CHL1: variants seen among roughly 807,000 people sequenced by gnomAD.
CHL1 encodes the protein neural cell adhesion molecule L1-like protein.
Under a neutral mutation model 141.9 loss-of-function variants are expected in CHL1, and 96 were observed. The ratio of observed to expected loss-of-function variants is 0.68; its 90% confidence interval spans 0.57 to 0.80. CHL1 has a LOEUF of 0.80. Among genes scored for constraint, CHL1 ranks in the 30% least tolerant of loss-of-function variants. The pLI, the probability that CHL1 is intolerant of heterozygous loss-of-function variation, is 0.00. For missense variants in CHL1, 1,820 were observed against 1,457.2 expected, an observed-to-expected ratio of 1.25 and a Z score of -4.05; for synonymous variants, 613 against 502.2, an observed-to-expected ratio of 1.22 and a Z score of -2.95.
chr3:404,687 A>T lies in CHL1; in HGVS notation c.3459-808A>T, dbSNP rs532271953. Among the ~76,000 whole-genome samples the T allele has an allele frequency of 3.9e-5, 6 of 152,318 alleles. No individual in the cohort carries two copies. In the South Asian group the frequency reaches 6.2e-4, roughly 16 times the overall value. On this transcript the variant is annotated intron_variant, in intron 27 of 27. Coordinates refer to ENST00000256509, the MANE Select transcript of CHL1 (RefSeq NM_006614.4). Reference sequence around the variant, plus strand: ...CAAAAACAGAATGTGATTGATTTTTAAAAAAGAACATTTTATCAGGATATA... The same window carrying T: ...CAAAAACAGAATGTGATTGATTTTTTAAAAAGAACATTTTATCAGGATATA...
At chr3:252,411 G>A (rs1190998353) in intron 2 of CHL1, among the ~76,000 whole-genome samples, 79 of 58,956 alleles carry the variant, frequency 1.3e-3, no homozygotes, top group African/African-American at 4.6e-3. Flanking sequence ...TTTCTATTTT[G>A]GTATTTTAAA....
chr3:402,123 G>A (rs1323509868), intron 27 of CHL1, among the ~76,000 whole-genome samples: 1 of 152,198 alleles, frequency 6.6e-6, no homozygotes, highest in Non-Finnish European at 1.5e-5. Context: ...GATCAGCAGA[G>A]AAAAATATCC....
intron 1 of CHL1, among the ~76,000 whole-genome samples, chr3:240,668 C>G (rs1273892440): frequency 2.0e-5 from 3 of 152,110 alleles, no homozygotes; most frequent in African/African-American, 7.2e-5. Flanking sequence ...AAGCCTTTGC[C>G]TAAGCCAATG....
chr3:378,023 TGATTCTTTGAGCCCCTGCACATATA>T, intron 16 of CHL1, 81 bp downstream of exon 16: 1 of 1,278,340 alleles, frequency 7.8e-7, no homozygotes, highest in Non-Finnish European at 1.1e-6. Flanking sequence ...ATAAAGCTAA[TGATTCTTTGAGCCCCTGCACATATA>T]TTGTTAGTTT....
chr3:215,529 TTCC>T (rs1700244195), intron 1 of CHL1, among the ~76,000 whole-genome samples: 1 of 152,152 alleles, frequency 6.6e-6, no homozygotes, highest in Non-Finnish European at 1.5e-5. Context: ...TAGTTTGTAT[TTCC>T]AAATAACTAG....
intron 2 of CHL1, among the ~76,000 whole-genome samples, chr3:293,459 C>G (rs73007553): frequency 6.6e-6 from 1 of 151,930 alleles, no homozygotes; most frequent in African/African-American, 2.4e-5. Flanking sequence ...GCTGAGAGAT[C>G]GAGCCACTGC....
rs763955703 is a variant in CHL1 at position 325,952 on chromosome 3, T to C, written c.92-7T>C. The C allele has an allele frequency of 9.4e-6, 15 of 1,589,034 alleles. No individual in the cohort carries two copies. The highest frequency in any genetic ancestry group is 1.7e-6 in the Non-Finnish European group (2 of 1,160,378). On this transcript the variant is annotated splice_polypyrimidine_tract_variant and splice_region_variant and intron_variant, in intron 3 of 27. Coordinates refer to ENST00000256509, the MANE Select transcript of CHL1 (RefSeq NM_006614.4). ...GTGTGTTTTTAAGTACATATTTTAA[T>C]ATTTAGTTCAACAGGTTCCAACAAT...
intron 2 of CHL1, among the ~76,000 whole-genome samples, chr3:300,911 G>T (rs1025346016): frequency 6.6e-6 from 1 of 152,160 alleles, no homozygotes; most frequent in Non-Finnish European, 1.5e-5. Context: ...CAGACTGATG[G>T]AAAAGTTATA....
chr3:385,924 G>A (rs982532231), intron 19 of CHL1: 1 of 151,792 alleles, frequency 6.6e-6, no homozygotes, highest in African/African-American at 2.4e-5. Flanking sequence ...GTAGTCACAG[G>A]ATTTGGATCT....
chr3:240,269 T>C (rs989317249), intron 1 of CHL1, among the ~76,000 whole-genome samples: 3 of 152,176 alleles, frequency 2.0e-5, no homozygotes, highest in Admixed American at 6.5e-5. Context: ...ATTTTTTAAA[T>C]TTTTTTCATT....
chr3:268,341 C>G (rs79473314), intron 2 of CHL1, among the ~76,000 whole-genome samples: 1,783 of 152,096 alleles, frequency 0.012, 32 homozygotes, highest in African/African-American at 0.04. Flanking sequence ...TGAGAGCAGT[C>G]TGGCTAACAT....
At chr3:360,255 T>A (rs1704106442) in intron 11 of CHL1, 29 bp from the exon 12 acceptor site, 2 of 1,611,782 alleles carry the variant, frequency 1.2e-6, no homozygotes, top group Non-Finnish European at 1.7e-6. Flanking sequence ...CTGTTCCTTA[T>A]CAAACTGACA....
intron 11 of CHL1, among the ~76,000 whole-genome samples, chr3:357,414 T>A (rs1703816932): frequency 6.6e-6 from 1 of 152,212 alleles, no homozygotes; most frequent in South Asian, 2.1e-4. Flanking sequence ...GCTTTGCATA[T>A]GATATTTCTG....
rs191389259 is a variant in CHL1, at chr3:313,369, C to T, written c.-94-6314C>T. Among the ~76,000 whole-genome samples, 150 of 152,164 alleles carry T rather than the reference C, an allele frequency of 9.9e-4. 1 individual carries two copies. In the South Asian group the frequency reaches 0.018, roughly 19 times the overall value. On this transcript the variant is annotated intron_variant, in intron 2 of 27. Transcript: ENST00000256509. ...CTGCCTTTCTAAGCTGCTTTTTGCCCATGTATCACACTCATCAGATTCTAT... is the reference window on the plus strand; with the variant it reads ...CTGCCTTTCTAAGCTGCTTTTTGCCTATGTATCACACTCATCAGATTCTAT...
chr3:276,672 G>C (rs162729), intron 2 of CHL1, among the ~76,000 whole-genome samples: 1 of 151,686 alleles, frequency 6.6e-6, no homozygotes, highest in Non-Finnish European at 1.5e-5. Context: ...GGCGGATCAC[G>C]AGGTCAGGAG....
Position 223,635 on chromosome 3 carries a change from C to T in CHL1, c.-174-20978C>T, listed in dbSNP as rs528096880. On this transcript the variant is annotated intron_variant, in intron 1 of 27. Transcript: ENST00000256509. ...TCCAACAGGTTCTTCTTGCCCACTG[C>T]ATGGATAGGGCAAATTCACTGAGAC... Among the ~76,000 whole-genome samples the T allele has an allele frequency of 3.9e-5, 6 of 152,320 alleles. No individual in the cohort carries two copies. In the East Asian group the frequency reaches 1.2e-3, roughly 29 times the overall value.
rs1485311994 is a variant in CHL1 at position 394,693 on chromosome 3, T to C, written c.2915T>C (p.Ile972Thr). 3 of 1,600,650 alleles carry C rather than the reference T, an allele frequency of 1.9e-6. No individual in the cohort carries two copies. The African/African-American group carries it at 4.1e-5, about 22-fold the overall frequency. The change falls in exon 24 of 28, where the codon ATA becomes ACA. Residue 972 changes from isoleucine to threonine, a missense_variant and splice_region_variant. Ile to Thr is a moderately conservative substitution (Grantham distance 89). Transcript: ENST00000256509. ...LTGYLLQYQIINDTYEIGELN... is the reference protein window; with the variant it reads ...LTGYLLQYQITNDTYEIGELN... ...CTGTTGTTCATGTTTATTTTTTTAGTAAATGACACCTACGAGATTGGAGAA... is the reference window on the plus strand; with the variant it reads ...CTGTTGTTCATGTTTATTTTTTTAGCAAATGACACCTACGAGATTGGAGAA...
intron 1 of CHL1, chr3:197,443 C>G (rs1348392866): frequency 1.8e-5 from 3 of 164,026 alleles, no homozygotes; most frequent in Non-Finnish European, 4.0e-5. Context: ...CCAGACCCCC[C>G]CGTAGATCTC....
At chr3:259,609 T>C (rs940162989) in intron 2 of CHL1, among the ~76,000 whole-genome samples, 2 of 152,120 alleles carry the variant, frequency 1.3e-5, no homozygotes, top group Non-Finnish European at 2.9e-5. Context: ...CCTTGCTATC[T>C]GCTTTACCCT....
Sources: allele counts gnomAD v4.1 joint callset (sites outside exome capture counted in the v4.1 genomes callset), GRCh38; gene constraint gnomAD v4.1.1; transcripts MANE v1.5; gene names NCBI Gene and HGNC (gene_info 2026-07-23, HGNC 2026-07-21).